The following PRKCH variants were observed in gnomAD, a reference collection of about 807,000 sequenced individuals.
The protein encoded by PRKCH is protein kinase C eta type.
A neutral mutation model predicts 82.5 loss-of-function variants in PRKCH; 28 were observed. That is an observed-to-expected ratio of 0.34 (90% confidence interval 0.25 to 0.47). The LOEUF (loss-of-function observed/expected upper bound fraction) is 0.47. PRKCH is among the 20% of genes least tolerant of loss of function. The pLI, the probability that PRKCH is intolerant of heterozygous loss-of-function variation, is 1.00. For synonymous variants in PRKCH, 322 were observed against 327.4 expected (o/e 0.98, Z 0.18); for missense variants, 705 against 881.8 (o/e 0.80, Z 2.54).
chr14:61,446,215 G>T (rs1852317680), intron 4 of PRKCH, among the ~76,000 whole-genome samples: 1 of 150,772 alleles, frequency 6.6e-6, no homozygotes, highest in Admixed American at 6.6e-5. Flanking sequence ...AAGTTAAGCT[G>T]TCAGTGATCT....
chr14:61,355,327 GT>G (rs148822100), intron 1 of PRKCH, among the ~76,000 whole-genome samples: 9,284 of 147,288 alleles, frequency 0.063, 371 homozygotes, highest in South Asian at 0.092. Context: ...GGTTATCTTT[GT>G]TTTTTTTTTC....
At chr14:61,232,987 T>A (rs372471924) in intron 1 of PRKCH, among the ~76,000 whole-genome samples, 1 of 152,180 alleles carries the variant, frequency 6.6e-6, no homozygotes, top group Non-Finnish European at 1.5e-5. Flanking sequence ...TTTCATAGTA[T>A]CATTGTCCAC....
chr14:61,260,125 C>T (rs1475408713), intron 1 of PRKCH, among the ~76,000 whole-genome samples: 1 of 151,574 alleles, frequency 6.6e-6, no homozygotes, highest in East Asian at 1.9e-4. Context: ...GATTACATGT[C>T]TAAATAATAT....
At chr14:61,238,118 G>A (rs1457077045) in intron 1 of PRKCH, among the ~76,000 whole-genome samples, 1 of 152,234 alleles carries the variant, frequency 6.6e-6, no homozygotes, top group Non-Finnish European at 1.5e-5. Flanking sequence ...CTTAAACTAT[G>A]TAAGTAGGCA....
At chr14:61,495,175 T>C (rs10129615) in intron 10 of PRKCH, among the ~76,000 whole-genome samples, 5,811 of 152,322 alleles carry the variant, frequency 0.038, 350 homozygotes, top group African/African-American at 0.13. Context: ...GTAATCCCAG[T>C]AATGCAGTTT....
chr14:61,332,581 T>C (rs2045804230), intron 1 of PRKCH, among the ~76,000 whole-genome samples: 1 of 152,188 alleles, frequency 6.6e-6, no homozygotes. Flanking sequence ...AGTTTGTGCT[T>C]GTGGTAAAAA....
intron 1 of PRKCH, among the ~76,000 whole-genome samples, chr14:61,272,536 T>C (rs1030574172): frequency 6.6e-6 from 1 of 151,744 alleles, no homozygotes; most frequent in Non-Finnish European, 1.5e-5. Context: ...GTATTTTTAG[T>C]AGAGACGGGG....
intron 1 of PRKCH, among the ~76,000 whole-genome samples, chr14:61,346,600 AG>A (rs1406100488): frequency 9.2e-5 from 14 of 152,360 alleles, no homozygotes; most frequent in African/African-American, 3.4e-4. Flanking sequence ...AGAAATAAAA[AG>A]ATAGTTTCCC....
chr14:61,326,725 T>A (rs1217073444), intron 1 of PRKCH, among the ~76,000 whole-genome samples: 6 of 152,202 alleles, frequency 3.9e-5, no homozygotes, highest in African/African-American at 1.2e-4. Context: ...ATTTCCTCTT[T>A]AGTGCAGAAA....
intron 1 of PRKCH, among the ~76,000 whole-genome samples, chr14:61,208,332 G>C (rs1037334620): frequency 3.9e-5 from 6 of 152,054 alleles, no homozygotes; most frequent in African/African-American, 1.4e-4. Context: ...ACTGGGGAAA[G>C]TACTATAAGG....
At chr14:61,281,059 AGCAGCGGCTGCCAGGCGGGGAGGC>A in intron 1 of PRKCH, 1 of 1,521,348 alleles carries the variant, frequency 6.6e-7, no homozygotes, top group Non-Finnish European at 8.8e-7. Flanking sequence ...GCTGGCCGAC[AGCAGCGGCTGCCAGGCGGGGAGGC>A]GCTGCTGAGT....
At chr14:61,418,785 T>C (rs1882688555) in intron 2 of PRKCH, among the ~76,000 whole-genome samples, 1 of 152,200 alleles carries the variant, frequency 6.6e-6, no homozygotes, top group Non-Finnish European at 1.5e-5. Context: ...GCCTGGGCCA[T>C]TTTCCATCCT....
chr14:61,378,739 T>C (rs1216752194), intron 1 of PRKCH, among the ~76,000 whole-genome samples: 1 of 152,188 alleles, frequency 6.6e-6, no homozygotes, highest in African/African-American at 2.4e-5. Flanking sequence ...CATCATTGCC[T>C]TGTGATTCTG....
At position 61,321,783 on chromosome 14, in the gene PRKCH, C is replaced by T. The variant is rs974826001; in HGVS notation, c.-319C>T. On this transcript the variant is annotated 5_prime_UTR_variant, in exon 1 of 14. Coordinates refer to ENST00000332981, the MANE Select transcript of PRKCH (RefSeq NM_006255.5). This position sits in a 1 kb window ranked among gnomAD's most constrained non-coding sequence, Gnocchi z 4.1. ...TCCGGCTCTCCAGGGAGAGGAGCTGCCCGGCCCTGGAGAAGGGGCGAGTCC... is the reference window on the plus strand; with the variant it reads ...TCCGGCTCTCCAGGGAGAGGAGCTGTCCGGCCCTGGAGAAGGGGCGAGTCC... The T allele has an allele frequency of 1.7e-5, 4 of 239,510 alleles. No individual in the cohort carries two copies. The highest frequency in any genetic ancestry group is 6.9e-5 in the African/African-American group (3 of 43,422). The allele number at this position is 239,510 out of a possible 1,614,324, so 14.8% of individuals were successfully genotyped here.
At chr14:61,536,644 A>G (rs1320521402) in intron 12 of PRKCH, among the ~76,000 whole-genome samples, 1 of 152,188 alleles carries the variant, frequency 6.6e-6, no homozygotes, top group African/African-American at 2.4e-5. Context: ...ACACCTGTTT[A>G]TGTTACATGC....
At chr14:61,532,987 C>T (rs2043059730) in intron 12 of PRKCH, among the ~76,000 whole-genome samples, 1 of 152,198 alleles carries the variant, frequency 6.6e-6, no homozygotes. Flanking sequence ...TCGACGCTCT[C>T]TCTGGGTATC....
At chr14:61,331,410 T>C (rs989979709) in intron 1 of PRKCH, among the ~76,000 whole-genome samples, 2 of 152,090 alleles carry the variant, frequency 1.3e-5, no homozygotes, top group Non-Finnish European at 2.9e-5. Context: ...TCCCGTGTAC[T>C]GGGGAGGCTG....
intron 1 of PRKCH, chr14:61,327,071 A>G (rs1247254370): frequency 4.4e-6 from 2 of 455,930 alleles, no homozygotes; most frequent in South Asian, 1.5e-5. Context: ...CCCCTCAGGA[A>G]GGAAGGACTG....
At chr14:61,213,197 T>A (rs1292768192) in intron 1 of PRKCH, among the ~76,000 whole-genome samples, 3 of 152,176 alleles carry the variant, frequency 2.0e-5, no homozygotes, top group Non-Finnish European at 4.4e-5. Flanking sequence ...TTGTCTGCCC[T>A]TCTGAAACTC....
Sources: allele counts gnomAD v4.1 joint callset (sites outside exome capture counted in the v4.1 genomes callset), GRCh38; gene constraint gnomAD v4.1.1; non-coding constraint Gnocchi (gnomAD v3.1); transcripts MANE v1.5; gene names NCBI Gene and HGNC (gene_info 2026-07-23, HGNC 2026-07-21).